The following OLFM2 variants were observed in gnomAD, a reference collection of about 807,000 sequenced individuals.
The protein encoded by OLFM2 is olfactomedin 2.
Under a neutral mutation model 43.9 loss-of-function variants are expected in OLFM2, and 20 were observed. That is an observed-to-expected ratio of 0.46 (90% CI 0.32 to 0.66). The LOEUF is 0.66. Ranked by LOEUF, OLFM2 falls within the 30% of genes least tolerant of loss-of-function variation. OLFM2 has a pLI of 0.04. For synonymous variants in OLFM2, 268 were observed against 278.6 expected (o/e 0.96, Z 0.38); for missense variants, 416 against 643.6 (o/e 0.65, Z 3.83).
chr19:9,861,490 A>C (rs925933222), intron 1 of OLFM2, among the ~76,000 whole-genome samples: 27 of 152,246 alleles, frequency 1.8e-4, no homozygotes, highest in Admixed American at 1.6e-3. Context: ...GTTAAGTGCA[A>C]CCCTGCTGTG....
At chr19:9,882,788 T>C (rs1435364237) in intron 1 of OLFM2, among the ~76,000 whole-genome samples, 1 of 151,516 alleles carries the variant, frequency 6.6e-6, no homozygotes, top group African/African-American at 2.4e-5. Flanking sequence ...TGCATGCCTA[T>C]AGCCTCAGCA....
At chr19:9,903,243 C>A (rs77640628) in intron 1 of OLFM2, among the ~76,000 whole-genome samples, 2,227 of 152,242 alleles carry the variant, frequency 0.015, 36 homozygotes, top group Admixed American at 0.023. Context: ...AGTGCACATA[C>A]CCATACTCAC....
In OLFM2 at chr19:9,856,293, T is replaced by C. The variant is rs1391518481; in HGVS notation, c.687+514A>G. Reference sequence around the variant, plus strand: ...TTGTATTTTTAGTAGAGACAGGGTTTCTCCATGTTGGTCAGGCTGGTCTCG... The same window carrying C: ...TTGTATTTTTAGTAGAGACAGGGTTCCTCCATGTTGGTCAGGCTGGTCTCG... On this transcript the variant is annotated intron_variant, in intron 5 of 5. Transcript: ENST00000264833. This position sits in a 1 kb window ranked among gnomAD's most constrained non-coding sequence, Gnocchi z 4.0. Among the ~76,000 whole-genome samples, 1 of 152,148 alleles carries C rather than the reference T, an allele frequency of 6.6e-6. No individual in the cohort carries two copies. The highest frequency in any genetic ancestry group is 1.5e-5 in the Non-Finnish European group (1 of 68,034).
At position 9,857,110 on chromosome 19, in the gene OLFM2, G is replaced by A. The variant is rs2046325466; in HGVS notation, c.580+153C>T. ...AGGGTCAGGGCCATTTCCAGCTTCT[G>A]GACTCAAGTGTAGCCTTAGGTAGGA... On this transcript the variant is annotated intron_variant, in intron 4 of 5. Coordinates refer to ENST00000264833, the MANE Select transcript of OLFM2 (RefSeq NM_058164.4). The surrounding 1 kb of genome is among the most constrained non-coding windows in gnomAD (Gnocchi z 5.7). 5 of 851,784 alleles carry A rather than the reference G, an allele frequency of 5.9e-6. No individual in the cohort carries two copies. In the Admixed American group the frequency reaches 6.5e-5, roughly 11 times the overall value. 52.8% of individuals were successfully genotyped at this position (851,784 alleles called of 1,614,324 possible).
At chr19:9,892,459 C>G (rs1283402200) in intron 1 of OLFM2, among the ~76,000 whole-genome samples, 1 of 152,134 alleles carries the variant, frequency 6.6e-6, no homozygotes, top group African/African-American at 2.4e-5. Flanking sequence ...GCCTGTAATC[C>G]CAGCACTTTG....
intron 1 of OLFM2, among the ~76,000 whole-genome samples, chr19:9,903,047 T>A (rs560965650): frequency 6.6e-6 from 1 of 152,156 alleles, no homozygotes; most frequent in East Asian, 1.9e-4. Flanking sequence ...TGCACCACCA[T>A]GCCTGGCTGA....
At chr19:9,869,502 T>C (rs914252471) in intron 1 of OLFM2, among the ~76,000 whole-genome samples, 1 of 152,210 alleles carries the variant, frequency 6.6e-6, no homozygotes, top group African/African-American at 2.4e-5. Context: ...ATGGACATGA[T>C]GACTACCTAC....
At chr19:9,907,594 C>A (rs544331683) in intron 1 of OLFM2, among the ~76,000 whole-genome samples, 1 of 152,194 alleles carries the variant, frequency 6.6e-6, no homozygotes, top group African/African-American at 2.4e-5. Flanking sequence ...TCCAAGAATT[C>A]TAGTCTGTTT....
chr19:9,923,629 G>A (rs551051313), intron 1 of OLFM2, among the ~76,000 whole-genome samples: 2 of 142,360 alleles, frequency 1.4e-5, no homozygotes, highest in Non-Finnish European at 1.5e-5. Context: ...GAGAGAGAGA[G>A]AAGGAAAGAA....
intron 1 of OLFM2, among the ~76,000 whole-genome samples, chr19:9,885,426 C>A (rs916457588): frequency 2.6e-5 from 4 of 152,208 alleles, no homozygotes; most frequent in Non-Finnish European, 2.9e-5. Flanking sequence ...CCTATGACCC[C>A]CCTCGTTAGG....
intron 1 of OLFM2, among the ~76,000 whole-genome samples, chr19:9,885,401 C>A (rs1478695192): frequency 6.6e-6 from 1 of 152,208 alleles, no homozygotes; most frequent in African/African-American, 2.4e-5. Flanking sequence ...GTGATTGGCA[C>A]AAATGCCTGG....
At position 9,913,440 on chromosome 19, in the gene OLFM2, T is replaced by C. The variant is rs1282074744; in HGVS notation, c.63+22864A>G. The C allele has an allele frequency of 2.0e-5, 20 of 1,014,654 alleles. No homozygotes were observed. In the East Asian group the frequency reaches 1.4e-3, roughly 73 times the overall value. The allele number at this position is 1,014,654 out of a possible 1,614,324, so 62.9% of individuals were successfully genotyped here. A position where few individuals can be genotyped will look rare whatever the true frequency, so the allele number is the denominator to read the frequency against. On this transcript the variant is annotated intron_variant, in intron 1 of 5. Coordinates refer to ENST00000264833, the MANE Select transcript of OLFM2 (RefSeq NM_058164.4). ...GCGGCGGCAGCGGCTGTGGCGCGGGTACCACGCCCCCCGGGAGCGCCCCCC... is the reference window on the plus strand; with the variant it reads ...GCGGCGGCAGCGGCTGTGGCGCGGGCACCACGCCCCCCGGGAGCGCCCCCC...
chr19:9,907,186 T>G (rs2046792778), intron 1 of OLFM2, among the ~76,000 whole-genome samples: 1 of 152,202 alleles, frequency 6.6e-6, no homozygotes, highest in Non-Finnish European at 1.5e-5. Context: ...CCGGGCGTGG[T>G]GGTTCACGCC....
intron 1 of OLFM2, among the ~76,000 whole-genome samples, chr19:9,878,622 C>T (rs7250760): frequency 0.12 from 18,756 of 151,936 alleles, 1,357 homozygotes; most frequent in Middle Eastern, 0.2. Context: ...GAGGCTCCAG[C>T]GAGCTAATAC....
chr19:9,875,563 T>TCA (rs1443006378), intron 1 of OLFM2, among the ~76,000 whole-genome samples: 2 of 149,678 alleles, frequency 1.3e-5, no homozygotes, highest in African/African-American at 4.9e-5. Flanking sequence ...CGATCACGAC[T>TCA]CACTGCAGCT....
intron 1 of OLFM2, among the ~76,000 whole-genome samples, chr19:9,872,088 C>T (rs2046447093): frequency 6.6e-6 from 1 of 152,180 alleles, no homozygotes; most frequent in South Asian, 2.1e-4. Context: ...GAGAATGTGC[C>T]TGTCTGCTAT....
chr19:9,858,926 C>T (rs1050851077), intron 2 of OLFM2, among the ~76,000 whole-genome samples: 14 of 151,962 alleles, frequency 9.2e-5, no homozygotes, highest in African/African-American at 3.1e-4. Flanking sequence ...AAGATGAACA[C>T]CTGGCTAAGG....
intron 1 of OLFM2, among the ~76,000 whole-genome samples, chr19:9,924,385 G>A (rs1419252900): frequency 2.4e-4 from 27 of 111,960 alleles, no homozygotes; most frequent in African/African-American, 6.8e-4. Flanking sequence ...CAGCCTGGGC[G>A]ACAGAGCGAG....
intron 1 of OLFM2, among the ~76,000 whole-genome samples, chr19:9,899,400 G>C (rs921143085): frequency 6.6e-6 from 1 of 152,006 alleles, no homozygotes; most frequent in African/African-American, 2.4e-5. Flanking sequence ...CACTATGCTT[G>C]TTTCAACCTC....
Sources: gnomAD v4.1 joint callset for allele counts (sites outside exome capture counted in the v4.1 genomes callset) on GRCh38, gnomAD v4.1.1 for gene constraint, Gnocchi (gnomAD v3.1) non-coding constraint, MANE v1.5 for transcripts, NCBI Gene and HGNC (gene_info 2026-07-23, HGNC 2026-07-21) for gene names.